ZFPM2: variants seen among roughly 807,000 people sequenced by gnomAD.
ZFPM2 encodes the protein zinc finger protein, FOG family member 2, also known as zinc finger protein ZFPM2.
In ZFPM2, 20 loss-of-function variants were observed where a neutral mutation model predicts 98.6. The observed-to-expected ratio is 0.20, with a 90% CI of 0.14 to 0.29. The LOEUF is 0.29. Among genes scored for constraint, ZFPM2 ranks in the 10% least tolerant of loss-of-function variants. ZFPM2 has a pLI of 1.00. For missense variants in ZFPM2, 1,310 were observed against 1,388.6 expected, an observed-to-expected ratio of 0.94 and a Z score of 0.90; for synonymous variants, 518 against 502.7, an observed-to-expected ratio of 1.03 and a Z score of -0.41.
chr8:105,544,738 C>T (rs1478956316), intron 3 of ZFPM2, among the ~76,000 whole-genome samples: 3 of 152,210 alleles, frequency 2.0e-5, no homozygotes, highest in Middle Eastern at 3.4e-3. Context: ...AGAAAAGTGA[C>T]CCCCCAAATG....
chr8:105,802,741 C>A lies in ZFPM2; in HGVS notation c.2659C>A (p.Leu887Met). The A allele has an allele frequency of 6.2e-7, 1 of 1,613,416 alleles. No individual in the cohort carries two copies. Among genetic ancestry groups the A allele is most frequent in the Non-Finnish European group, 8.5e-7 (1 of 1,179,734 alleles). ...GGTTACTGCACATCAGCGTAATGAC[C>A]TGGGTCAACTGGACGGCAAAGTGTT... is the stretch of plus-strand genomic sequence containing the variant. ...CPVTAHQRND[L>M]GQLDGKVFPN... The change falls in exon 8 of 8, where the codon CTG becomes ATG. Residue 887 changes from leucine to methionine, a missense_variant. By Grantham distance (15) the Leu-to-Met change is conservative. Transcript: ENST00000407775.
intron 3 of ZFPM2, among the ~76,000 whole-genome samples, chr8:105,446,467 C>T (rs922046455): frequency 1.1e-4 from 16 of 152,042 alleles, no homozygotes; most frequent in African/African-American, 3.9e-4. Flanking sequence ...ACATGCTGTA[C>T]ACCCAGTGCT....
At chr8:105,402,792 C>T (rs1048237380) in intron 1 of ZFPM2, among the ~76,000 whole-genome samples, 8 of 152,014 alleles carry the variant, frequency 5.3e-5, no homozygotes, top group Non-Finnish European at 1.0e-4. Context: ...TTTTGCCATT[C>T]TTAATGGCTA....
chr8:105,702,945 ATAT>A (rs1369474143), intron 5 of ZFPM2, among the ~76,000 whole-genome samples: 2 of 152,180 alleles, frequency 1.3e-5, no homozygotes, highest in African/African-American at 4.8e-5. Flanking sequence ...GTGTAATCTA[ATAT>A]TATCTAAAAT....
rs564629851 is a variant in ZFPM2 at position 105,613,140 on chromosome 8, T to C, written c.421-21106T>C. On this transcript the variant is annotated intron_variant, in intron 4 of 7. Coordinates refer to ENST00000407775, the MANE Select transcript of ZFPM2 (RefSeq NM_012082.4). ...TAATAATAATTAACAGCAGGCAAAATAGGTGATTGTGTGATTTAATTGGAG... is the reference window on the plus strand; with the variant it reads ...TAATAATAATTAACAGCAGGCAAAACAGGTGATTGTGTGATTTAATTGGAG... Among the ~76,000 whole-genome samples, 4 of 152,200 alleles carry C rather than the reference T, an allele frequency of 2.6e-5. No homozygotes were observed. The East Asian group carries it at 5.8e-4, about 22-fold the overall frequency.
chr8:105,622,591 A>G (rs1816574560), intron 4 of ZFPM2, among the ~76,000 whole-genome samples: 1 of 152,146 alleles, frequency 6.6e-6, no homozygotes, highest in Non-Finnish European at 1.5e-5. Context: ...AGCATGCTCC[A>G]TTAGTTGCCC....
chr8:105,699,742 ACT>A (rs886394233), intron 5 of ZFPM2, among the ~76,000 whole-genome samples: 14 of 152,062 alleles, frequency 9.2e-5, no homozygotes, highest in African/African-American at 3.1e-4. Context: ...TATAATGCAA[ACT>A]CTCAAATAAT....
rs115321442 is a variant in ZFPM2, at chr8:105,507,503, G to A, written c.302-53860G>A. Among the ~76,000 whole-genome samples, 640 of 152,338 alleles carry A rather than the reference G, an allele frequency of 4.2e-3. 6 individuals are homozygous for A. The highest frequency in any genetic ancestry group is 0.015 in the African/African-American group (608 of 41,578). On this transcript the variant is annotated intron_variant, in intron 3 of 7. Coordinates refer to ENST00000407775, the MANE Select transcript of ZFPM2 (RefSeq NM_012082.4). Reference sequence around the variant, plus strand: ...TGGGCCTCACTTTATTCATCAGAATGTTTTGGTAATATTACCTATCTCAAA... The same window carrying A: ...TGGGCCTCACTTTATTCATCAGAATATTTTGGTAATATTACCTATCTCAAA...
At chr8:105,590,440 A>G (rs1815816948) in intron 4 of ZFPM2, among the ~76,000 whole-genome samples, 1 of 152,162 alleles carries the variant, frequency 6.6e-6, no homozygotes, top group Non-Finnish European at 1.5e-5. Context: ...CCCATTTTTC[A>G]ATGCTTCTGT....
At chr8:105,671,361 GTAT>G (rs1229121215) in intron 5 of ZFPM2, among the ~76,000 whole-genome samples, 3 of 151,416 alleles carry the variant, frequency 2.0e-5, no homozygotes, top group Non-Finnish European at 1.5e-5. Context: ...TTTTTATTTT[GTAT>G]TTCCTCTTTT....
At chr8:105,402,540 C>A (rs1416219061) in intron 1 of ZFPM2, among the ~76,000 whole-genome samples, 1 of 151,808 alleles carries the variant, frequency 6.6e-6, no homozygotes, top group African/African-American at 2.4e-5. Context: ...AAATGGGATC[C>A]TTTGGCTTCT....
At chr8:105,591,019 G>A (rs1323253611) in intron 4 of ZFPM2, among the ~76,000 whole-genome samples, 2 of 152,112 alleles carry the variant, frequency 1.3e-5, no homozygotes, top group East Asian at 3.9e-4. Flanking sequence ...AGTTAGTGGG[G>A]TAACAACTAC....
intron 5 of ZFPM2, among the ~76,000 whole-genome samples, chr8:105,666,889 C>A (rs565176052): frequency 2.6e-5 from 4 of 152,156 alleles, no homozygotes; most frequent in Admixed American, 2.6e-4. Context: ...AATCTAAACC[C>A]TTGAGTGCAT....
chr8:105,676,156 A>T (rs1014280989), intron 5 of ZFPM2: 3 of 152,220 alleles, frequency 2.0e-5, no homozygotes, highest in African/African-American at 7.2e-5. Context: ...AATAAACAGC[A>T]GTGACTTATG....
At chr8:105,355,306 C>T (rs929887796) in intron 1 of ZFPM2, among the ~76,000 whole-genome samples, 2 of 152,102 alleles carry the variant, frequency 1.3e-5, no homozygotes, top group Non-Finnish European at 2.9e-5. Context: ...CATTCTTATT[C>T]TCCTGTCATA....
chr8:105,711,265 C>G (rs1055464482), intron 5 of ZFPM2, among the ~76,000 whole-genome samples: 4 of 152,088 alleles, frequency 2.6e-5, no homozygotes, highest in Non-Finnish European at 5.9e-5. Flanking sequence ...GAGCTGTTGC[C>G]TTTTCACAAC....
At chr8:105,667,010 T>G (rs1817501707) in intron 5 of ZFPM2, among the ~76,000 whole-genome samples, 1 of 152,228 alleles carries the variant, frequency 6.6e-6, no homozygotes, top group Admixed American at 6.5e-5. Context: ...TCTGCCTGAG[T>G]TAAAAGTGGA....
At chr8:105,563,551 G>A (rs913200915) in intron 4 of ZFPM2, among the ~76,000 whole-genome samples, 3 of 152,118 alleles carry the variant, frequency 2.0e-5, no homozygotes, top group African/African-American at 7.2e-5. Context: ...TTGTGATGTA[G>A]CCACAAAATG....
chr8:105,514,671 C>T (rs2130520893), intron 3 of ZFPM2, among the ~76,000 whole-genome samples: 1 of 152,286 alleles, frequency 6.6e-6, no homozygotes, highest in African/African-American at 2.4e-5. Context: ...CAATTATCAG[C>T]TACCCAGGGA....
Sources: gnomAD v4.1 joint callset for allele counts (sites outside exome capture counted in the v4.1 genomes callset) on GRCh38, gnomAD v4.1.1 for gene constraint, MANE v1.5 for transcripts, NCBI Gene and HGNC (gene_info 2026-07-23, HGNC 2026-07-21) for gene names.